The following MGRN1 variants were observed in gnomAD, a reference collection of about 807,000 sequenced individuals.
MGRN1 encodes the protein mahogunin ring finger 1.
A neutral mutation model predicts 69.2 loss-of-function variants in MGRN1; 29 were observed. The ratio of observed to expected loss-of-function variants is 0.42; its 90% CI spans 0.31 to 0.57. MGRN1 has a LOEUF of 0.57. Among genes scored for constraint, MGRN1 ranks in the 20% least tolerant of loss-of-function variants. The pLI, the probability that MGRN1 is intolerant of heterozygous loss-of-function variation, is 0.15. For missense variants in MGRN1, 998 were observed against 796.2 expected, an observed-to-expected ratio of 1.25 and a Z score of -3.05; for synonymous variants, 470 against 344.2, an observed-to-expected ratio of 1.37 and a Z score of -4.04.
At chr16:4,688,240 C>T in intron 16 of MGRN1, 1 of 985,868 alleles carries the variant, frequency 1.0e-6, no homozygotes, top group Non-Finnish European at 1.2e-6. Flanking sequence ...CCAGGGACGC[C>T]AGACCCATCT....
chr16:4,670,687 T>G (rs1355498884), intron 8 of MGRN1, among the ~76,000 whole-genome samples: 1 of 152,240 alleles, frequency 6.6e-6, no homozygotes, highest in Non-Finnish European at 1.5e-5. Flanking sequence ...AGATCCTGTC[T>G]ATTTAAAATG....
At position 4,689,748 on chromosome 16, in the gene MGRN1, C is replaced by T. The variant is rs2079414325; in HGVS notation, c.*840C>T. 1 of 151,312 alleles carries T rather than the reference C, an allele frequency of 6.6e-6. No individual in the cohort carries two copies. Among genetic ancestry groups the T allele is most frequent in the Admixed American group, 6.6e-5 (1 of 15,156 alleles). The allele number at this position is 151,312 out of a possible 1,614,324, so 9.4% of individuals were successfully genotyped here. On this transcript the variant is annotated 3_prime_UTR_variant, in exon 17 of 17. Transcript: ENST00000262370. The stretch of plus-strand genomic sequence containing the variant: ...TCATTCTCTTTTGCCATTGGAATGT[C>T]CCCTTGCAGTTCTCTTCTCTTTTTT...
chr16:4,682,073 GTC>G (rs2079196757), intron 13 of MGRN1, among the ~76,000 whole-genome samples: 1 of 152,260 alleles, frequency 6.6e-6, no homozygotes. Flanking sequence ...TCGGTGCTGT[GTC>G]TCTGCTGAGG....
chr16:4,680,204 T>G, intron 12 of MGRN1, 107 bp downstream of exon 12: 1 of 1,116,966 alleles, frequency 9.0e-7, no homozygotes, highest in Non-Finnish European at 1.3e-6. Context: ...CTGATTCATA[T>G]AACCCGTCAG....
At chr16:4,680,122 G>T (rs576586848) in intron 12 of MGRN1, 25 bp downstream of exon 12, 2 of 1,610,688 alleles carry the variant, frequency 1.2e-6, no homozygotes, top group Non-Finnish European at 1.7e-6. Context: ...CTCCGGCTAC[G>T]TTTTTTTGCC....
chr16:4,629,608 A>G (rs1027865733), intron 1 of MGRN1, among the ~76,000 whole-genome samples: 1 of 151,798 alleles, frequency 6.6e-6, no homozygotes, highest in Non-Finnish European at 1.5e-5. Flanking sequence ...GCGTGGTGGC[A>G]CACACCTGTA....
At chr16:4,639,040 C>G (rs1042199593) in intron 1 of MGRN1, among the ~76,000 whole-genome samples, 1 of 152,184 alleles carries the variant, frequency 6.6e-6, no homozygotes, top group Admixed American at 6.5e-5. Context: ...GTTGTGTGAC[C>G]TGAGCAGGTC....
intron 5 of MGRN1, among the ~76,000 whole-genome samples, chr16:4,659,407 C>G (rs903918052): frequency 3.9e-4 from 59 of 152,110 alleles, no homozygotes; most frequent in African/African-American, 1.3e-3. Context: ...TCTGGGGAGC[C>G]CCAGTCTCCG....
chr16:4,675,722 A>C (rs1469834495), intron 10 of MGRN1, among the ~76,000 whole-genome samples: 3 of 151,740 alleles, frequency 2.0e-5, no homozygotes, highest in Non-Finnish European at 4.4e-5. Context: ...AGACAGGGGA[A>C]GACCCTGTTT....
chr16:4,675,387 G>A (rs1277111920), intron 10 of MGRN1, among the ~76,000 whole-genome samples: 2 of 152,178 alleles, frequency 1.3e-5, no homozygotes, highest in African/African-American at 2.4e-5. Context: ...TTATGGGCAT[G>A]AGCCACCATG....
At chr16:4,686,238 T>C in intron 16 of MGRN1, 1 of 1,541,230 alleles carries the variant, frequency 6.5e-7, no homozygotes, top group Non-Finnish European at 8.7e-7. Context: ...CTTCCGTCTG[T>C]CTCTCCCCCT....
chr16:4,664,731 G>T lies in MGRN1; in HGVS notation c.584G>T (p.Gly195Val), dbSNP rs2078760178. 1 of 1,614,118 alleles carries T rather than the reference G, an allele frequency of 6.2e-7. No individual in the cohort carries two copies. Among genetic ancestry groups the T allele is most frequent in the Admixed American group, 1.7e-5 (1 of 60,002 alleles). The change falls in exon 6 of 17, where the codon GGC (glycine) becomes GTC (valine). Residue 195 changes from glycine (G) to valine (V), a missense_variant. Transcript: ENST00000262370. ...DDELNFDLDR[G>V]VFPVVIQAVV... ...CAGCTGAACTTTGACCTGGACCGGG[G>T]CGTGTTTCCAGTAGTCATCCAGGCT...
chr16:4,672,456 T>TGGAGCAGCTCCACGTGGCGGGAGC (rs1567222625), intron 9 of MGRN1: 8 of 456,622 alleles, frequency 1.8e-5, no homozygotes. Flanking sequence ...CCAGGACAAC[T>TGGAGCAGCTCCACGTGGCGGGAGC]GGAGCAGCTC....
Position 4,680,325 on chromosome 16 carries a change from C to G in MGRN1, c.1131+228C>G, listed in dbSNP as rs147342455. The G allele has an allele frequency of 0.023, 12,140 of 531,130 alleles. 202 individuals carry two copies. Among genetic ancestry groups the G allele is most frequent in the Middle Eastern group, 0.041 (90 of 2,200 alleles). 32.9% of individuals were successfully genotyped at this position (531,130 alleles called of 1,614,324 possible). Reference sequence around the variant, plus strand: ...GCTGGCCCCGCCGCCCTCCCCTCAGCTTTGCCTCCGCCCCGCGTGGCCCCC... The same window carrying G: ...GCTGGCCCCGCCGCCCTCCCCTCAGGTTTGCCTCCGCCCCGCGTGGCCCCC... On this transcript the variant is annotated intron_variant, in intron 12 of 16. Coordinates refer to ENST00000262370, the MANE Select transcript of MGRN1 (RefSeq NM_015246.4).
At chr16:4,652,266 G>A (rs1567193719) in intron 3 of MGRN1, among the ~76,000 whole-genome samples, 1 of 152,164 alleles carries the variant, frequency 6.6e-6, no homozygotes, top group Non-Finnish European at 1.5e-5. Flanking sequence ...GCCGCACAGG[G>A]ACCCTGGGCA....
At chr16:4,643,762 G>C (rs2078213841) in intron 1 of MGRN1, among the ~76,000 whole-genome samples, 1 of 152,176 alleles carries the variant, frequency 6.6e-6, no homozygotes, top group South Asian at 2.1e-4. Flanking sequence ...ATCATAAGCT[G>C]TGAGTTTTTC....
At position 4,679,717 on chromosome 16, in the gene MGRN1, C is replaced by T. The variant is rs375058202; in HGVS notation, c.1066-315C>T. 1.4e-4 allele frequency among the ~76,000 whole-genome samples: 21 copies of T among 152,322 alleles called. No individual in the cohort carries two copies. In the East Asian group the frequency reaches 4.1e-3, roughly 30 times the overall value. ...CCTGCATTAGGCAGCGTTCAGCTGC[C>T]CTCACGTCCACCTTGGCCAAATCTG... On this transcript the variant is annotated intron_variant, in intron 11 of 16. Transcript: ENST00000262370.
intron 16 of MGRN1, chr16:4,686,241 C>CT: frequency 1.3e-6 from 2 of 1,541,798 alleles, no homozygotes; most frequent in Non-Finnish European, 1.7e-6. Flanking sequence ...CCGTCTGTCT[C>CT]TCCCCCTCTC....
chr16:4,646,154 G>A (rs866171589), intron 1 of MGRN1, among the ~76,000 whole-genome samples: 1 of 152,288 alleles, frequency 6.6e-6, no homozygotes, highest in Non-Finnish European at 1.5e-5. Context: ...CTCAGGCTGT[G>A]TCACGGTGGC....
Sources: allele counts gnomAD v4.1 joint callset (sites outside exome capture counted in the v4.1 genomes callset), GRCh38; gene constraint gnomAD v4.1.1; transcripts MANE v1.5; gene names NCBI Gene and HGNC (gene_info 2026-07-23, HGNC 2026-07-21).